Variants in MARK1 observed in about 807,000 individuals in gnomAD.
MARK1 encodes the protein microtubule affinity regulating kinase 1, also known as serine/threonine-protein kinase MARK1.
A neutral mutation model predicts 96.3 loss-of-function variants in MARK1; 40 were observed. That is an observed-to-expected ratio of 0.42 (90% CI 0.32 to 0.54). MARK1 has a LOEUF of 0.54. Among genes scored for constraint, MARK1 ranks in the 20% least tolerant of loss-of-function variants. MARK1 has a pLI of 0.16. For missense variants in MARK1, 719 were observed against 984.6 expected (o/e 0.73, Z 3.61); for synonymous variants, 317 against 341.2 (o/e 0.93, Z 0.78).
At chr1:220,639,567 G>A (rs116725231) in intron 13 of MARK1, among the ~76,000 whole-genome samples, 131 of 152,112 alleles carry the variant, frequency 8.6e-4, no homozygotes, top group African/African-American at 2.9e-3. Context: ...ACTTCTATTA[G>A]AGGCATTCTC....
At chr1:220,589,149 G>A (rs1664827848) in intron 3 of MARK1, among the ~76,000 whole-genome samples, 2 of 152,184 alleles carry the variant, frequency 1.3e-5, no homozygotes, top group African/African-American at 4.8e-5. Flanking sequence ...CGATGGCGAA[G>A]TCCTGTGACA....
In MARK1 at chr1:220,662,010, T is replaced by G; in HGVS notation, c.2232T>G (p.His744Gln). Reference sequence around the variant, plus strand: ...AGAGATTTTTGCTTTTCTGTGTCCATGGAGACGCTAGACAGGATAGCCTCG... The same window carrying G: ...AGAGATTTTTGCTTTTCTGTGTCCAGGGAGACGCTAGACAGGATAGCCTCG... ...QKERFLLFCV[H>Q]GDARQDSLVQ... Residue 744 changes from histidine (H) to glutamine (Q), a missense_variant, in exon 18 of 18, where the codon CAT becomes CAG. By Grantham distance (24) the His-to-Gln change is conservative (BLOSUM62 0). This residue lies in a region of MARK1 where 501 missense variants were observed against 588.3 expected (regional missense o/e 0.85). Transcript: ENST00000366917. 1 of 1,614,216 alleles carries G rather than the reference T, an allele frequency of 6.2e-7. No individual in the cohort carries two copies. Among genetic ancestry groups the G allele is most frequent in the Non-Finnish European group, 8.5e-7 (1 of 1,180,032 alleles).
chr1:220,557,739 A>G (rs996999566), intron 1 of MARK1, among the ~76,000 whole-genome samples: 3 of 152,166 alleles, frequency 2.0e-5, no homozygotes, highest in East Asian at 1.9e-4. Context: ...GTTGATAACT[A>G]TGAACAAGAA....
chr1:220,651,767 A>G (rs542777655), intron 14 of MARK1, among the ~76,000 whole-genome samples: 1 of 152,172 alleles, frequency 6.6e-6, no homozygotes, highest in Non-Finnish European at 1.5e-5. Context: ...GATTTTTTTC[A>G]TAGATGATAG....
chr1:220,554,409 T>A (rs1018197546), intron 1 of MARK1, among the ~76,000 whole-genome samples: 2 of 152,104 alleles, frequency 1.3e-5, no homozygotes, highest in Non-Finnish European at 2.9e-5. Flanking sequence ...CAAGTAGAGG[T>A]TGGAGTACTA....
At chr1:220,542,220 G>A (rs955704842) in intron 1 of MARK1, among the ~76,000 whole-genome samples, 1 of 152,020 alleles carries the variant, frequency 6.6e-6, no homozygotes, top group African/African-American at 2.4e-5. Flanking sequence ...CTTATTTTAT[G>A]ATTTCATCTT....
Position 220,581,085 on chromosome 1 carries a change from C to T in MARK1, c.276C>T (p.Asp92=), listed in dbSNP as rs1664212822. 3 of 1,285,872 alleles carry T rather than the reference C, an allele frequency of 2.3e-6. No homozygotes were observed. Among genetic ancestry groups the T allele is most frequent in the South Asian group, 4.2e-5 (2 of 47,862 alleles). 79.7% of individuals were successfully genotyped at this position (1,285,872 alleles called of 1,614,324 possible). A position where few individuals can be genotyped will look rare whatever the true frequency, so the allele number is the denominator to read the frequency against. ...TTTAGGTTGCTGTGAAAATAATAGACAAAACTCAGCTAAATCCTACCAGTC... is the reference window on the plus strand; with the variant it reads ...TTTAGGTTGCTGTGAAAATAATAGATAAAACTCAGCTAAATCCTACCAGTC... The part of the protein sequence containing the change: ...TGREVAVKII[D]KTQLNPTSLQ... The change falls in exon 3 of 18, where the codon GAC becomes GAT. Residue 92 remains aspartate, a synonymous_variant. Coordinates refer to ENST00000366917, the MANE Select transcript of MARK1 (RefSeq NM_018650.5).
intron 1 of MARK1, among the ~76,000 whole-genome samples, chr1:220,547,305 C>T (rs563068982): frequency 6.6e-6 from 1 of 152,280 alleles, no homozygotes; most frequent in East Asian, 1.9e-4. Context: ...GTGGAATTGG[C>T]TTACTAGTGA....
intron 1 of MARK1, among the ~76,000 whole-genome samples, chr1:220,560,289 T>C (rs1465469757): frequency 6.6e-6 from 1 of 152,072 alleles, no homozygotes; most frequent in Middle Eastern, 3.4e-3. Flanking sequence ...ATATGAAAGA[T>C]CCCCCCAGTG....
intron 1 of MARK1, 71 bp downstream of exon 1, chr1:220,528,944 T>C: frequency 6.9e-7 from 1 of 1,451,516 alleles, no homozygotes; most frequent in East Asian, 2.8e-5. Flanking sequence ...TCACCCGCGC[T>C]TGGGCCGTCC....
At chr1:220,584,798 A>G (rs138617325) in intron 3 of MARK1, among the ~76,000 whole-genome samples, 342 of 152,342 alleles carry the variant, frequency 2.2e-3, no homozygotes, top group Non-Finnish European at 3.8e-3. Context: ...TCAAGGAGAG[A>G]GCACAAGAAG....
At chr1:220,595,074 G>T (rs1219685908) in intron 3 of MARK1, among the ~76,000 whole-genome samples, 1 of 152,186 alleles carries the variant, frequency 6.6e-6, no homozygotes, top group African/African-American at 2.4e-5. Flanking sequence ...GGATGTTGAT[G>T]GTGGGGGAGG....
intron 5 of MARK1, among the ~76,000 whole-genome samples, chr1:220,601,639 A>G (rs937437097): frequency 1.3e-5 from 2 of 152,198 alleles, no homozygotes; most frequent in Admixed American, 1.3e-4. Flanking sequence ...CCACTTTGAT[A>G]TGGGAAATCA....
chr1:220,626,659 TA>T, intron 9 of MARK1: 1 of 347,566 alleles, frequency 2.9e-6, no homozygotes, highest in African/African-American at 2.1e-5. Flanking sequence ...CCGCATCTAC[TA>T]AAAATACAAA....
Position 220,662,097 on chromosome 1 carries a change from G to A in MARK1, c.2319G>A (p.Lys773=), listed in dbSNP as rs141665545. Residue 773 remains lysine, a synonymous_variant, in exon 18 of 18, where the codon AAG becomes AAA. Coordinates refer to ENST00000366917, the MANE Select transcript of MARK1 (RefSeq NM_018650.5). ...PRLSLNGVRF[K]RISGTSIAFK... Reference sequence around the variant, plus strand: ...TGTCACTTAATGGGGTTCGCTTCAAGCGAATATCTGGGACATCTATTGCCT... The same window carrying A: ...TGTCACTTAATGGGGTTCGCTTCAAACGAATATCTGGGACATCTATTGCCT... 1.2e-6 allele frequency: 2 copies of A among 1,614,192 alleles called. No individual in the cohort carries two copies. Among genetic ancestry groups the A allele is most frequent in the African/African-American group, 1.3e-5 (1 of 75,054 alleles).
chr1:220,565,197 A>G (rs1040050444), intron 1 of MARK1, among the ~76,000 whole-genome samples: 5 of 152,212 alleles, frequency 3.3e-5, no homozygotes, highest in African/African-American at 1.2e-4. Flanking sequence ...AATTATATCC[A>G]TCAAATATAT....
chr1:220,566,217 A>C (rs971971307), intron 1 of MARK1, among the ~76,000 whole-genome samples: 1 of 152,176 alleles, frequency 6.6e-6, no homozygotes, highest in South Asian at 2.1e-4. Flanking sequence ...TGGTAGTAAC[A>C]TTATTCCTGT....
Position 220,653,367 on chromosome 1 carries a change from A to G in MARK1, c.1988+15A>G, listed in dbSNP as rs201139575. The G allele has an allele frequency of 1.1e-4, 173 of 1,612,324 alleles. 1 individual carries two copies. The East Asian group carries it at 3.0e-3, about 28-fold the overall frequency. On this transcript the variant is annotated intron_variant, in intron 16 of 17. Transcript: ENST00000366917. ...TTTGTTCGCAGGTCAGTACCAATGT[A>G]CTGTCGTGTTTTGATTCCTCTAGAA...
intron 3 of MARK1, among the ~76,000 whole-genome samples, chr1:220,594,541 A>G (rs1665200275): frequency 6.6e-6 from 1 of 152,170 alleles, no homozygotes; most frequent in African/African-American, 2.4e-5. Context: ...GGAAGCTGAA[A>G]ACTTACGTCC....
Sources: gnomAD v4.1 joint callset for allele counts (sites outside exome capture counted in the v4.1 genomes callset) on GRCh38, gnomAD v4.1.1 for gene constraint, gnomAD v4.1.1 regional missense constraint, MANE v1.5 for transcripts, NCBI Gene and HGNC (gene_info 2026-07-23, HGNC 2026-07-21) for gene names.